The following ARHGEF28 variants were observed in gnomAD, a reference collection of about 807,000 sequenced individuals.
ARHGEF28 encodes Rho guanine nucleotide exchange factor 28.
A neutral mutation model predicts 206.6 loss-of-function variants in ARHGEF28; 152 were observed. The observed-to-expected ratio is 0.74, with a 90% CI of 0.64 to 0.84. ARHGEF28 has a LOEUF of 0.84. Among genes scored for constraint, ARHGEF28 ranks in the 40% least tolerant of loss-of-function variants. The pLI is 0.00. For missense variants in ARHGEF28, 2,028 were observed against 2,073.2 expected, an observed-to-expected ratio of 0.98 and a Z score of 0.42; for synonymous variants, 763 against 776.4, an observed-to-expected ratio of 0.98 and a Z score of 0.29.
At chr5:73,875,764 A>G (rs1159294696) in intron 22 of ARHGEF28, among the ~76,000 whole-genome samples, 16 of 150,450 alleles carry the variant, frequency 1.1e-4, no homozygotes, top group Admixed American at 4.0e-4. Context: ...GCTCTGTTCT[A>G]TTCCATTGAT....
intron 35 of ARHGEF28, among the ~76,000 whole-genome samples, chr5:73,932,833 G>T (rs1764204509): frequency 1.1e-5 from 1 of 87,030 alleles, no homozygotes; most frequent in Non-Finnish European, 2.0e-5. Flanking sequence ...TTTTGAGACA[G>T]AGTTTCGCTC....
chr5:73,646,922 A>G (rs1300727215), intron 1 of ARHGEF28, among the ~76,000 whole-genome samples: 1 of 151,908 alleles, frequency 6.6e-6, no homozygotes, highest in Non-Finnish European at 1.5e-5. Context: ...TCACTAGGAC[A>G]TTATGCTTAT....
chr5:73,817,439 A>G (rs1241994489), intron 9 of ARHGEF28, among the ~76,000 whole-genome samples: 1 of 152,224 alleles, frequency 6.6e-6, no homozygotes, highest in African/African-American at 2.4e-5. Context: ...CATCTATGAT[A>G]TCTGAGTCCC....
intron 2 of ARHGEF28, among the ~76,000 whole-genome samples, chr5:73,711,364 G>C (rs1428986057): frequency 1.3e-5 from 2 of 151,978 alleles, no homozygotes; most frequent in East Asian, 3.8e-4. Context: ...TATGAATAAA[G>C]CTTCCTGAGA....
Position 73,829,853 on chromosome 5 carries a change from A to G in ARHGEF28, c.1025-2485A>G, listed in dbSNP as rs562515337. Among the ~76,000 whole-genome samples the G allele has an allele frequency of 4.6e-5, 7 of 152,350 alleles. No individual in the cohort carries two copies. The South Asian group carries it at 1.5e-3, about 32-fold the overall frequency. ...ATATATCCATGAAACAATATAGGTG[A>G]TATGTAAATATGGCAAAATTGTGAA... On this transcript the variant is annotated intron_variant, in intron 9 of 35. Coordinates refer to ENST00000513042, the MANE Select transcript of ARHGEF28 (RefSeq NM_001177693.2).
intron 26 of ARHGEF28, among the ~76,000 whole-genome samples, chr5:73,888,255 T>C (rs182363674): frequency 5.9e-5 from 9 of 152,376 alleles, no homozygotes; most frequent in Admixed American, 5.9e-4. Flanking sequence ...ATTTTTACTA[T>C]AGTAGCTTCT....
At position 73,884,229 on chromosome 5, in the gene ARHGEF28, T is replaced by A. The variant is rs193224055; in HGVS notation, c.3055+345T>A. On this transcript the variant is annotated intron_variant, in intron 24 of 35. Coordinates refer to ENST00000513042, the MANE Select transcript of ARHGEF28 (RefSeq NM_001177693.2). ...ACAACAGTCTGATGAAACATGCTAT[T>A]GATCCTATCACAAAATGTCAACTCT... is the stretch of plus-strand genomic sequence containing the variant. 8.5e-5 allele frequency among the ~76,000 whole-genome samples: 13 copies of A among 152,324 alleles called. 1 individual carries two copies. In the East Asian group the frequency reaches 2.3e-3, roughly 27 times the overall value.
intron 4 of ARHGEF28, among the ~76,000 whole-genome samples, chr5:73,769,697 T>C (rs76495650): frequency 0.025 from 3,830 of 152,326 alleles, 148 homozygotes; most frequent in African/African-American, 0.088. Flanking sequence ...TTTGCGTTAG[T>C]TTCTCTGACT....
At chr5:73,626,566 G>A (rs1743022714) in intron 1 of ARHGEF28, among the ~76,000 whole-genome samples, 1 of 152,140 alleles carries the variant, frequency 6.6e-6, no homozygotes, top group Admixed American at 6.5e-5. Flanking sequence ...GGCGGCAGCT[G>A]CGGAGCGCGG....
chr5:73,689,352 A>T (rs972522924), intron 2 of ARHGEF28, among the ~76,000 whole-genome samples: 2 of 151,854 alleles, frequency 1.3e-5, no homozygotes, highest in African/African-American at 4.8e-5. Context: ...TTATTTTTTT[A>T]AATTTATTTT....
At position 73,846,472 on chromosome 5, in the gene ARHGEF28, G is replaced by T; in HGVS notation, c.1632G>T (p.Ser544=). The T allele has an allele frequency of 6.2e-7, 1 of 1,612,462 alleles. No individual in the cohort carries two copies. Among genetic ancestry groups the T allele is most frequent in the Non-Finnish European group, 8.5e-7 (1 of 1,178,614 alleles). Residue 544 remains serine (S), a synonymous_variant, in exon 12 of 36, where the codon TCG becomes TCT. Coordinates refer to ENST00000513042, the MANE Select transcript of ARHGEF28 (RefSeq NM_001177693.2). The stretch of plus-strand genomic sequence containing the variant: ...TTCCTCTATCAAGTAATCTACAGTC[G>T]AAGGTATTCTTATTGCTATTAATTT... ...ESLPLSSNLQ[S]KESLLSGVRS...
intron 1 of ARHGEF28, among the ~76,000 whole-genome samples, chr5:73,667,198 C>T (rs956889673): frequency 2.6e-5 from 4 of 151,888 alleles, no homozygotes; most frequent in South Asian, 4.2e-4. Flanking sequence ...TCCCTCCTAT[C>T]GTGGCCAATA....
At chr5:73,783,339 G>T (rs1418977348) in intron 7 of ARHGEF28, among the ~76,000 whole-genome samples, 1 of 134,316 alleles carries the variant, frequency 7.4e-6, no homozygotes, top group Non-Finnish European at 1.6e-5. Flanking sequence ...TGAAGCCCTG[G>T]AATATAGTGT....
At chr5:73,894,781 A>G (rs1248760621) in intron 29 of ARHGEF28, among the ~76,000 whole-genome samples, 1 of 152,226 alleles carries the variant, frequency 6.6e-6, no homozygotes, top group Non-Finnish European at 1.5e-5. Context: ...GAAGAAAAAT[A>G]AGCAGGATAA....
At chr5:73,807,487 CTT>C (rs577924923) in intron 9 of ARHGEF28, among the ~76,000 whole-genome samples, 8 of 142,266 alleles carry the variant, frequency 5.6e-5, no homozygotes, top group Admixed American at 7.1e-5. Flanking sequence ...CAATGTAATT[CTT>C]TTTTTTTTTT....
At chr5:73,754,687 A>G (rs576187477) in intron 4 of ARHGEF28, among the ~76,000 whole-genome samples, 43 of 152,090 alleles carry the variant, frequency 2.8e-4, no homozygotes, top group Non-Finnish European at 5.7e-4. Context: ...AATGAGTCAT[A>G]GTAGTACCTG....
intron 2 of ARHGEF28, among the ~76,000 whole-genome samples, chr5:73,726,291 A>G (rs1055230635): frequency 6.6e-6 from 1 of 152,220 alleles, no homozygotes; most frequent in South Asian, 2.1e-4. Flanking sequence ...TCTGCCAGGT[A>G]TGACTAGCCA....
intron 22 of ARHGEF28, among the ~76,000 whole-genome samples, chr5:73,879,679 C>G (rs1422780267): frequency 2.6e-5 from 4 of 152,200 alleles, no homozygotes; most frequent in Non-Finnish European, 5.9e-5. Context: ...TTGGAGTTTG[C>G]TAGAGGTCCA....
chr5:73,735,619 G>A (rs956300985), intron 2 of ARHGEF28, among the ~76,000 whole-genome samples: 1 of 152,224 alleles, frequency 6.6e-6, no homozygotes, highest in African/African-American at 2.4e-5. Flanking sequence ...AGCCAATCTC[G>A]ATAGCAGCCT....
Sources: allele counts gnomAD v4.1 joint callset (sites outside exome capture counted in the v4.1 genomes callset), GRCh38; gene constraint gnomAD v4.1.1; transcripts MANE v1.5; gene names NCBI Gene and HGNC (gene_info 2026-07-23, HGNC 2026-07-21).